GPC5: variants seen among roughly 807,000 people sequenced by gnomAD.
GPC5 encodes glypican-5.
Under a neutral mutation model 53.9 loss-of-function variants are expected in GPC5, and 47 were observed. The observed-to-expected ratio is 0.87, with a 90% confidence interval of 0.69 to 1.11. The LOEUF (loss-of-function observed/expected upper bound fraction) is 1.11, where lower values mean the gene tolerates loss of function less well. GPC5 is among the 50% of genes most tolerant of loss of function. GPC5 has a pLI of 0.00. For missense variants in GPC5, 748 were observed against 713.1 expected, an observed-to-expected ratio of 1.05 and a Z score of -0.56; for synonymous variants, 286 against 263.3, an observed-to-expected ratio of 1.09 and a Z score of -0.84.
At chr13:92,559,370 T>C (rs1444989346) in intron 7 of GPC5, among the ~76,000 whole-genome samples, 1 of 118,854 alleles carries the variant, frequency 8.4e-6, no homozygotes, top group Admixed American at 8.5e-5. Context: ...GTGTGTGTGT[T>C]GGGGTGTGGG....
intron 7 of GPC5, among the ~76,000 whole-genome samples, chr13:92,677,595 T>C (rs1886990019): frequency 2.0e-5 from 3 of 152,310 alleles, no homozygotes; most frequent in African/African-American, 7.2e-5. Flanking sequence ...CCTTTTAGCT[T>C]AGAGACTGAA....
chr13:92,414,504 CAA>C lies in GPC5; in HGVS notation c.1561+269532_1561+269533del, dbSNP rs368737499. Among the ~76,000 whole-genome samples, 1,127 of 120,366 alleles carry C rather than the reference CAA, an allele frequency of 9.4e-3. 4 individuals are homozygous for C. The highest frequency in any genetic ancestry group is 0.017 in the African/African-American group (598 of 34,342). The allele number at this position is 120,366 out of a possible 152,430, so 79.0% of individuals were successfully genotyped here. On this transcript the variant is annotated intron_variant, in intron 7 of 7. Coordinates refer to ENST00000377067, the MANE Select transcript of GPC5 (RefSeq NM_004466.6). ...TGGGCGATAGAGCGAGACTCTGTCT[CAA>C]AAAAAAAAAAAAAAAATCAAACTTT...
intron 6 of GPC5, among the ~76,000 whole-genome samples, chr13:92,096,646 C>T (rs1291233385): frequency 6.6e-6 from 1 of 152,146 alleles, no homozygotes; most frequent in East Asian, 1.9e-4. Flanking sequence ...AGCTTAGACC[C>T]TTTATTGCTG....
chr13:92,301,279 T>C lies in GPC5; in HGVS notation c.1561+156290T>C, dbSNP rs1011510920. 4.6e-5 allele frequency among the ~76,000 whole-genome samples: 7 copies of C among 152,146 alleles called. No homozygotes were observed. In the East Asian group the frequency reaches 1.3e-3, roughly 29 times the overall value. On this transcript the variant is annotated intron_variant, in intron 7 of 7. Coordinates refer to ENST00000377067, the MANE Select transcript of GPC5 (RefSeq NM_004466.6). The stretch of plus-strand genomic sequence containing the variant: ...GAAGTGAATAGTGGGCTAACATTCT[T>C]GAAGAGATGGAATCTTTGGAGACTC...
chr13:92,416,232 C>G (rs547674997), intron 7 of GPC5, among the ~76,000 whole-genome samples: 61 of 152,284 alleles, frequency 4.0e-4, no homozygotes, highest in Middle Eastern at 6.8e-3. Context: ...TTTATGATGA[C>G]TCTTTCTCAT....
intron 4 of GPC5, among the ~76,000 whole-genome samples, chr13:91,754,991 G>A (rs1436490849): frequency 6.6e-6 from 1 of 151,980 alleles, no homozygotes; most frequent in Non-Finnish European, 1.5e-5. Flanking sequence ...TTTTCTCTGA[G>A]TTTTGATGTT....
At chr13:91,904,565 C>T (rs1215511161) in intron 5 of GPC5, among the ~76,000 whole-genome samples, 1 of 151,854 alleles carries the variant, frequency 6.6e-6, no homozygotes. Flanking sequence ...TTGAGTAACT[C>T]AAGTTACTTA....
In GPC5 at chr13:92,441,341, C is replaced by A. The variant is rs1048304521; in HGVS notation, c.1561+296352C>A. ...GTCTGGGCCTCCCAAAGTGCTGGGA[C>A]TACAGGCGTGAGCTACCGCCTCAAT... On this transcript the variant is annotated intron_variant, in intron 7 of 7. Transcript: ENST00000377067. Among the ~76,000 whole-genome samples the A allele has an allele frequency of 3.3e-5, 5 of 152,276 alleles. No individual in the cohort carries two copies. In the South Asian group the frequency reaches 1.0e-3, roughly 32 times the overall value.
At chr13:92,249,166 A>G (rs895666760) in intron 7 of GPC5, among the ~76,000 whole-genome samples, 2 of 152,078 alleles carry the variant, frequency 1.3e-5, no homozygotes, top group African/African-American at 4.8e-5. Flanking sequence ...CCTTTTTTGT[A>G]TTACAAACAG....
intron 7 of GPC5, among the ~76,000 whole-genome samples, chr13:92,300,535 A>G (rs894409680): frequency 7.9e-5 from 12 of 152,190 alleles, no homozygotes; most frequent in African/African-American, 2.4e-4. Context: ...CAACTCAAAT[A>G]TCTTTATGGA....
At position 91,885,544 on chromosome 13, in the gene GPC5, A is replaced by T. The variant is rs1048669044; in HGVS notation, c.1281-22393A>T. Among the ~76,000 whole-genome samples the T allele has an allele frequency of 5.9e-5, 9 of 152,062 alleles. No individual in the cohort carries two copies. In the South Asian group the frequency reaches 1.0e-3, roughly 18 times the overall value. The stretch of plus-strand genomic sequence containing the variant: ...CCTTGCATCTTTTCCCAATACACAA[A>T]CCATTCTCGAGGTGAAAACTGTGGT... On this transcript the variant is annotated intron_variant, in intron 5 of 7. Transcript: ENST00000377067.
intron 6 of GPC5, among the ~76,000 whole-genome samples, chr13:92,026,454 T>C (rs2040801531): frequency 1.4e-5 from 2 of 138,514 alleles, no homozygotes; most frequent in Non-Finnish European, 3.2e-5. Flanking sequence ...TTCTTTTTTC[T>C]TTTTTTTTTT....
At chr13:92,339,610 T>C (rs1174618513) in intron 7 of GPC5, among the ~76,000 whole-genome samples, 3 of 152,106 alleles carry the variant, frequency 2.0e-5, no homozygotes, top group Non-Finnish European at 4.4e-5. Context: ...TTAAGAATCT[T>C]TGATCTCCTA....
intron 6 of GPC5, among the ~76,000 whole-genome samples, chr13:92,020,874 A>T (rs1169478561): frequency 4.6e-5 from 7 of 151,928 alleles, no homozygotes; most frequent in Admixed American, 2.6e-4. Context: ...TCTGTTGCCT[A>T]TGTTTTTGGT....
chr13:91,949,483 A>G (rs969716295), intron 6 of GPC5, among the ~76,000 whole-genome samples: 1 of 152,172 alleles, frequency 6.6e-6, no homozygotes, highest in Non-Finnish European at 1.5e-5. Flanking sequence ...AAATAATGAG[A>G]TAAGTTTTAT....
intron 7 of GPC5, among the ~76,000 whole-genome samples, chr13:92,800,437 C>T (rs555442808): frequency 1.3e-5 from 2 of 151,940 alleles, no homozygotes; most frequent in African/African-American, 4.8e-5. Context: ...TGAAGCATGT[C>T]CCAGCAATTC....
chr13:92,418,698 C>T (rs1041546417), intron 7 of GPC5, among the ~76,000 whole-genome samples: 4 of 152,116 alleles, frequency 2.6e-5, no homozygotes, highest in Admixed American at 2.6e-4. Context: ...TGAATTTAGT[C>T]TGAGTCTCTC....
At chr13:92,479,020 T>C (rs1158533923) in intron 7 of GPC5, among the ~76,000 whole-genome samples, 1 of 152,160 alleles carries the variant, frequency 6.6e-6, no homozygotes, top group African/African-American at 2.4e-5. Context: ...ACTAAGAATA[T>C]CGTCATTAGG....
intron 7 of GPC5, among the ~76,000 whole-genome samples, chr13:92,192,454 A>G (rs1032743453): frequency 3.3e-5 from 5 of 152,198 alleles, no homozygotes; most frequent in African/African-American, 1.2e-4. Context: ...ATTATCCAAC[A>G]TTTTATGGAC....
Sources: allele counts gnomAD v4.1 joint callset (sites outside exome capture counted in the v4.1 genomes callset), GRCh38; gene constraint gnomAD v4.1.1; transcripts MANE v1.5; gene names NCBI Gene and HGNC (gene_info 2026-07-23, HGNC 2026-07-21).